The following THSD7A variants were observed in gnomAD, a reference collection of about 807,000 sequenced individuals.
THSD7A encodes the protein thrombospondin type 1 domain containing 7A.
THSD7A carries 96 observed loss-of-function variants against 231.3 expected under a neutral mutation model. That is an observed-to-expected ratio of 0.41 (90% CI 0.35 to 0.49). The LOEUF is 0.49. Ranked by LOEUF, THSD7A falls within the 20% of genes least tolerant of loss-of-function variation. The pLI, the probability that THSD7A is intolerant of heterozygous loss-of-function variation, is 0.05. For synonymous variants in THSD7A, 940 were observed against 743.3 expected, an observed-to-expected ratio of 1.26 and a Z score of -4.30; for missense variants, 2,290 against 2,070.2, an observed-to-expected ratio of 1.11 and a Z score of -2.06.
chr7:11,431,295 T>C (rs934029123), intron 13 of THSD7A, among the ~76,000 whole-genome samples: 2 of 152,220 alleles, frequency 1.3e-5, no homozygotes, highest in African/African-American at 4.8e-5. Flanking sequence ...CATCTAGGTT[T>C]ATAGTTGTTT....
chr7:11,624,063 G>A (rs1781401842), intron 2 of THSD7A, among the ~76,000 whole-genome samples: 1 of 152,106 alleles, frequency 6.6e-6, no homozygotes, highest in African/African-American at 2.4e-5. Flanking sequence ...GAACTCCAAA[G>A]GTTGGAGGCT....
In THSD7A at chr7:11,655,408, T is replaced by C. The variant is rs978783689; in HGVS notation, c.191-18447A>G. Reference sequence around the variant, plus strand: ...GTTGGACAGCTACACCTACTAGAGGTTTCTTTCTCATATGCCTATAAAATC... The same window carrying C: ...GTTGGACAGCTACACCTACTAGAGGCTTCTTTCTCATATGCCTATAAAATC... On this transcript the variant is annotated intron_variant, in intron 1 of 27. Coordinates refer to ENST00000423059, the MANE Select transcript of THSD7A (RefSeq NM_015204.3). Among the ~76,000 whole-genome samples the C allele has an allele frequency of 4.0e-5, 6 of 151,696 alleles. No homozygotes were observed. The South Asian group carries it at 1.2e-3, about 32-fold the overall frequency.
chr7:11,731,820 A>G (rs777912050), intron 1 of THSD7A, among the ~76,000 whole-genome samples: 23 of 151,756 alleles, frequency 1.5e-4, no homozygotes, highest in East Asian at 3.9e-4. Context: ...TAAAAGAAGA[A>G]TTATGAGACA....
At position 11,511,905 on chromosome 7, in the gene THSD7A, A is replaced by G. The variant is rs1787824425; in HGVS notation, c.1822+29514T>C. ...ACTTCATGACTAAAACACCAAAAGC[A>G]ATGGCAACAAAAGCCAAAATTGACA... is the stretch of plus-strand genomic sequence containing the variant. On this transcript the variant is annotated intron_variant, in intron 6 of 27. Coordinates refer to ENST00000423059, the MANE Select transcript of THSD7A (RefSeq NM_015204.3). Among the ~76,000 whole-genome samples the G allele has an allele frequency of 3.3e-5, 5 of 152,204 alleles. No homozygotes were observed. The South Asian group carries it at 1.0e-3, about 32-fold the overall frequency.
chr7:11,522,949 T>C (rs530655355), intron 6 of THSD7A, among the ~76,000 whole-genome samples: 33 of 152,272 alleles, frequency 2.2e-4, no homozygotes, highest in African/African-American at 7.7e-4. Context: ...TTTATAAGTG[T>C]CTGTAGAATT....
At position 11,592,918 on chromosome 7, in the gene THSD7A, T is replaced by C. The variant is rs564979661; in HGVS notation, c.1271+336A>G. On this transcript the variant is annotated intron_variant, in intron 3 of 27. Coordinates refer to ENST00000423059, the MANE Select transcript of THSD7A (RefSeq NM_015204.3). ...ACAGCCACGCTCAGTTGTTTACATA[T>C]TACCTCTAGCTCCAACAGCAGTGTT... Among the ~76,000 whole-genome samples, 65 of 152,280 alleles carry C rather than the reference T, an allele frequency of 4.3e-4. No individual in the cohort carries two copies. In the South Asian group the frequency reaches 0.013, roughly 31 times the overall value.
At chr7:11,468,011 T>G (rs1228052220) in intron 9 of THSD7A, among the ~76,000 whole-genome samples, 2 of 152,028 alleles carry the variant, frequency 1.3e-5, no homozygotes, top group African/African-American at 4.8e-5. Flanking sequence ...CTTGAAATAC[T>G]TTAGATCAAA....
At chr7:11,559,319 T>C (rs184159629) in intron 4 of THSD7A, among the ~76,000 whole-genome samples, 231 of 152,276 alleles carry the variant, frequency 1.5e-3, no homozygotes, top group Non-Finnish European at 2.4e-3. Context: ...AAATTTGTTA[T>C]GGAGGCAGTA....
intron 1 of THSD7A, among the ~76,000 whole-genome samples, chr7:11,649,799 A>G (rs1782421472): frequency 6.6e-6 from 1 of 152,076 alleles, no homozygotes; most frequent in Admixed American, 6.6e-5. Context: ...AGATTTCCAC[A>G]CAGACTGTTA....
chr7:11,505,192 T>C (rs6944156), intron 6 of THSD7A, among the ~76,000 whole-genome samples: 43,886 of 152,060 alleles, frequency 0.29, 6,538 homozygotes, highest in South Asian at 0.42. Flanking sequence ...CTGGATATTC[T>C]AAATACTAGA....
At chr7:11,599,694 C>T (rs1217314858) in intron 2 of THSD7A, among the ~76,000 whole-genome samples, 3 of 152,048 alleles carry the variant, frequency 2.0e-5, no homozygotes, top group Non-Finnish European at 4.4e-5. Flanking sequence ...GTATCATCTC[C>T]GGAGATGTGT....
rs76818929 is a variant in THSD7A at position 11,740,847 on chromosome 7, T to A, written c.190+90910A>T. 4.2e-4 allele frequency among the ~76,000 whole-genome samples: 64 copies of A among 152,156 alleles called. 1 individual carries two copies. The East Asian group carries it at 9.5e-3, about 23-fold the overall frequency. On this transcript the variant is annotated intron_variant, in intron 1 of 27. Transcript: ENST00000423059. Reference sequence around the variant, plus strand: ...TACATCACTTCTGGAAATTTACTTGTCTTGTTCCATAGCATATTAGTCCTG... The same window carrying A: ...TACATCACTTCTGGAAATTTACTTGACTTGTTCCATAGCATATTAGTCCTG...
Position 11,376,625 on chromosome 7 carries a change from C to T in THSD7A, c.4834G>A (p.Ala1612Thr), listed in dbSNP as rs1445718532. 17 of 1,587,504 alleles carry T rather than the reference C, an allele frequency of 1.1e-5. No homozygotes were observed. Among genetic ancestry groups the T allele is most frequent in the Non-Finnish European group, 1.5e-5 (17 of 1,166,060 alleles). The change falls in exon 27 of 28, where the codon GCA becomes ACA. Residue 1612 changes from alanine (A) to threonine (T), a missense_variant. Transcript: ENST00000423059. ...GRLKTWVYGV[A>T]AGAFVLLIFI... ...ATGAGTAACACAAATGCCCCAGCTG[C>T]TACACCGTAAACCCAGGTCTTTAGT...
At position 11,375,003 on chromosome 7, in the gene THSD7A, C is replaced by G. The variant is rs1318893681; in HGVS notation, c.*791G>C. 4 of 151,966 alleles carry G rather than the reference C, an allele frequency of 2.6e-5. No individual in the cohort carries two copies. The highest frequency in any genetic ancestry group is 5.9e-5 in the Non-Finnish European group (4 of 67,970). 9.4% of individuals were successfully genotyped at this position (151,966 alleles called of 1,614,324 possible). A position where few individuals can be genotyped will look rare whatever the true frequency, so the allele number is the denominator to read the frequency against. On this transcript the variant is annotated 3_prime_UTR_variant, in exon 28 of 28. Coordinates refer to ENST00000423059, the MANE Select transcript of THSD7A (RefSeq NM_015204.3). ...GCACTAATATAGTGCAAAAATGTGCCTTCCATATAGCAAAAAAGATGCAGG... is the reference window on the plus strand; with the variant it reads ...GCACTAATATAGTGCAAAAATGTGCGTTCCATATAGCAAAAAAGATGCAGG...
chr7:11,566,974 G>C (rs976875462), intron 4 of THSD7A, among the ~76,000 whole-genome samples: 3 of 131,088 alleles, frequency 2.3e-5, no homozygotes, highest in Non-Finnish European at 3.3e-5. Flanking sequence ...GTGGGGGGGG[G>C]ACTGACCAAC....
chr7:11,515,794 A>G (rs1047458743), intron 6 of THSD7A, among the ~76,000 whole-genome samples: 1 of 152,166 alleles, frequency 6.6e-6, no homozygotes, highest in Non-Finnish European at 1.5e-5. Flanking sequence ...ATTTACATAC[A>G]TAATATCTTG....
rs1253477171 is a variant in THSD7A, at chr7:11,636,002, T to C, written c.1022+128A>G. 1 of 796,800 alleles carries C rather than the reference T, an allele frequency of 1.3e-6. No homozygotes were observed. Among genetic ancestry groups the C allele is most frequent in the Non-Finnish European group, 1.9e-6 (1 of 526,708 alleles). The allele number at this position is 796,800 out of a possible 1,614,324, so 49.4% of individuals were successfully genotyped here. ...CTCACACAAGCTCAGAAGCCTTAAA[T>C]TTGGGGGTAGCTCATCCTAGGTTGT... On this transcript the variant is annotated intron_variant, in intron 2 of 27. Transcript: ENST00000423059. The surrounding 1 kb of genome is among the most constrained non-coding windows in gnomAD (Gnocchi z 10.0).
In THSD7A at chr7:11,474,351, G is replaced by C. The variant is rs201432980; in HGVS notation, c.2235C>G (p.Gly745=). The C allele has an allele frequency of 5.7e-4, 920 of 1,611,742 alleles. 1 individual carries two copies. Among genetic ancestry groups the C allele is most frequent in the Non-Finnish European group, 7.4e-4 (871 of 1,178,570 alleles). Reference sequence around the variant, plus strand: ...GCTCTTACTTTTTGGGTCCCACTTGGCCCACATTGACTCGCACACAGATGA... The same window carrying C: ...GCTCTTACTTTTTGGGTCCCACTTGCCCCACATTGACTCGCACACAGATGA... ...RKVICVRVNV[G]QVGPKKCPES... The change falls in exon 8 of 28, where the codon GGC becomes GGG. Residue 745 remains glycine, a synonymous_variant. Transcript: ENST00000423059. The surrounding 1 kb of genome is among the most constrained non-coding windows in gnomAD (Gnocchi z 4.1).
intron 1 of THSD7A, among the ~76,000 whole-genome samples, chr7:11,766,478 T>C (rs1326273296): frequency 6.8e-6 from 1 of 147,502 alleles, no homozygotes; most frequent in Admixed American, 6.6e-5. Context: ...TATTCTCATC[T>C]ATCACTTAAA....
Sources: allele counts gnomAD v4.1 joint callset (sites outside exome capture counted in the v4.1 genomes callset), GRCh38; gene constraint gnomAD v4.1.1; non-coding constraint Gnocchi (gnomAD v3.1); transcripts MANE v1.5; gene names NCBI Gene and HGNC (gene_info 2026-07-23, HGNC 2026-07-21).